Variants in PDE4B observed in about 807,000 individuals in gnomAD.
PDE4B encodes 3',5'-cyclic-AMP phosphodiesterase 4B.
PDE4B carries 20 observed loss-of-function variants against 82.2 expected under a neutral mutation model. The observed-to-expected ratio is 0.24, with a 90% CI of 0.17 to 0.35. PDE4B has a LOEUF of 0.35. Ranked by LOEUF, PDE4B falls within the 10% of genes least tolerant of loss-of-function variation. PDE4B has a pLI of 1.00. For synonymous variants in PDE4B, 320 were observed against 318.9 expected, an observed-to-expected ratio of 1.00 and a Z score of -0.04; for missense variants, 655 against 907.2, an observed-to-expected ratio of 0.72 and a Z score of 3.57.
chr1:66,311,827 G>A (rs920481153), intron 7 of PDE4B, among the ~76,000 whole-genome samples: 2 of 152,312 alleles, frequency 1.3e-5, no homozygotes, highest in Non-Finnish European at 2.9e-5. Context: ...GGAGACAGAG[G>A]GTGCCCTAAT....
intron 8 of PDE4B, among the ~76,000 whole-genome samples, chr1:66,350,423 T>C (rs1050219502): frequency 6.6e-6 from 1 of 152,120 alleles, no homozygotes; most frequent in African/African-American, 2.4e-5. Context: ...GACCTCATCC[T>C]GAGGTTATCC....
intron 3 of PDE4B, among the ~76,000 whole-genome samples, chr1:66,072,906 T>C (rs532555285): frequency 6.6e-6 from 1 of 152,092 alleles, no homozygotes; most frequent in African/African-American, 2.4e-5. Context: ...TGCACATCTG[T>C]GGAAACTGTA....
intron 3 of PDE4B, among the ~76,000 whole-genome samples, chr1:66,233,338 T>C (rs2101637309): frequency 6.6e-6 from 1 of 152,366 alleles, no homozygotes; most frequent in South Asian, 2.1e-4. Context: ...CTAAGTGGTA[T>C]TCCACTGTAT....
intron 3 of PDE4B, among the ~76,000 whole-genome samples, chr1:65,972,926 G>T (rs1650220251): frequency 6.6e-6 from 1 of 152,172 alleles, no homozygotes; most frequent in South Asian, 2.1e-4. Flanking sequence ...TGTTGCTAAA[G>T]AAAATTCTAG....
chr1:66,156,646 GA>G (rs1646507074), intron 3 of PDE4B, among the ~76,000 whole-genome samples: 1 of 151,754 alleles, frequency 6.6e-6, no homozygotes, highest in South Asian at 2.1e-4. Context: ...CAAAGCCCAA[GA>G]GTTGTCTATG....
intron 3 of PDE4B, among the ~76,000 whole-genome samples, chr1:65,989,878 T>A (rs1651151743): frequency 7.7e-6 from 1 of 129,562 alleles, no homozygotes; most frequent in Non-Finnish European, 1.6e-5. Context: ...ATTTCAATAT[T>A]TGGCAAAGTG....
chr1:66,274,905 C>T (rs1323010411), intron 7 of PDE4B, among the ~76,000 whole-genome samples: 1 of 152,112 alleles, frequency 6.6e-6, no homozygotes, highest in Non-Finnish European at 1.5e-5. Context: ...ACTTTGCTTC[C>T]ATAATAATAC....
chr1:66,305,004 T>C (rs995406748), intron 7 of PDE4B, among the ~76,000 whole-genome samples: 1 of 152,142 alleles, frequency 6.6e-6, no homozygotes, highest in African/African-American at 2.4e-5. Context: ...GCAGTGAACA[T>C]GACAGTGAAT....
At chr1:66,326,209 G>A (rs1415144823) in intron 7 of PDE4B, among the ~76,000 whole-genome samples, 1 of 152,180 alleles carries the variant, frequency 6.6e-6, no homozygotes, top group Non-Finnish European at 1.5e-5. Flanking sequence ...TCCCCTAGAT[G>A]GGACTATCTG....
intron 3 of PDE4B, among the ~76,000 whole-genome samples, chr1:66,100,108 C>T (rs908538390): frequency 6.6e-6 from 1 of 152,120 alleles, no homozygotes; most frequent in African/African-American, 2.4e-5. Context: ...GGCTGAAGTT[C>T]TGTGGTGGGA....
intron 3 of PDE4B, among the ~76,000 whole-genome samples, chr1:66,137,291 G>A (rs899180123): frequency 2.0e-5 from 3 of 152,174 alleles, no homozygotes; most frequent in Non-Finnish European, 4.4e-5. Context: ...AGGAGATCAA[G>A]AGCATAGTGA....
intron 1 of PDE4B, among the ~76,000 whole-genome samples, chr1:65,844,987 T>TA (rs1646252617): frequency 6.6e-6 from 1 of 152,212 alleles, no homozygotes; most frequent in Admixed American, 6.5e-5. Flanking sequence ...ACTGTATGCC[T>TA]AGACAGTCCC....
intron 3 of PDE4B, among the ~76,000 whole-genome samples, chr1:65,955,385 G>C (rs1175845463): frequency 6.6e-6 from 1 of 152,010 alleles, no homozygotes; most frequent in Non-Finnish European, 1.5e-5. Context: ...CCCTTTTATG[G>C]GATTTTGCAT....
At chr1:66,007,584 G>A (rs1652220804) in intron 3 of PDE4B, among the ~76,000 whole-genome samples, 1 of 152,054 alleles carries the variant, frequency 6.6e-6, no homozygotes, top group African/African-American at 2.4e-5. Flanking sequence ...TTTTCCAAAT[G>A]GCTGTGAGCC....
At chr1:65,849,672 A>G (rs944407720) in intron 1 of PDE4B, among the ~76,000 whole-genome samples, 1 of 152,014 alleles carries the variant, frequency 6.6e-6, no homozygotes, top group African/African-American at 2.4e-5. Context: ...CCATGAGAAC[A>G]TGTCATATAC....
rs71058452 is a variant in PDE4B, at chr1:66,131,592, GATATATATATATATATAT to G, written c.282-115839_282-115822del. Among the ~76,000 whole-genome samples, 217 of 32,868 alleles carry G rather than the reference GATATATATATATATATAT, an allele frequency of 6.6e-3. 11 individuals carry two copies. The highest frequency in any genetic ancestry group is 0.042 in the Middle Eastern group (1 of 24). The allele number at this position is 32,868 out of a possible 152,430, so 21.6% of individuals were successfully genotyped here. ...TATTTTCAATATTTTCTGAATGCCA[GATATATATATATATATAT>G]ATATATATATATATATATATATATA... On this transcript the variant is annotated intron_variant, in intron 3 of 16. Coordinates refer to ENST00000341517, the MANE Select transcript of PDE4B (RefSeq NM_002600.4).
In PDE4B at chr1:66,257,693, A is replaced by C; in HGVS notation, c.513+10A>C. 1 of 1,613,152 alleles carries C rather than the reference A, an allele frequency of 6.2e-7. No individual in the cohort carries two copies. Among genetic ancestry groups the C allele is most frequent in the Middle Eastern group, 1.7e-4 (1 of 6,058 alleles). The stretch of plus-strand genomic sequence containing the variant: ...AACTCCTTTTGCCCAGGTATGTATT[A>C]TGCTGGCCCTGGCTTGCTTTCACTG... On this transcript the variant is annotated intron_variant, in intron 5 of 16. Transcript: ENST00000341517.
chr1:65,881,438 C>T (rs1165470876), intron 1 of PDE4B, among the ~76,000 whole-genome samples: 1 of 152,154 alleles, frequency 6.6e-6, no homozygotes, highest in Non-Finnish European at 1.5e-5. Flanking sequence ...CTCCGCCTGC[C>T]AGACCTGCTT....
At chr1:65,963,248 G>C (rs562153407) in intron 3 of PDE4B, among the ~76,000 whole-genome samples, 1 of 152,276 alleles carries the variant, frequency 6.6e-6, no homozygotes, top group African/African-American at 2.4e-5. Flanking sequence ...CAAAAGCACC[G>C]ATTAGAACAG....
Sources: allele counts gnomAD v4.1 joint callset (sites outside exome capture counted in the v4.1 genomes callset), GRCh38; gene constraint gnomAD v4.1.1; transcripts MANE v1.5; gene names NCBI Gene and HGNC (gene_info 2026-07-23, HGNC 2026-07-21).